The following NUP205 variants were observed in gnomAD, a reference collection of about 807,000 sequenced individuals.
NUP205 encodes the protein nuclear pore complex protein Nup205.
NUP205 carries 76 observed loss-of-function variants against 253.8 expected under a neutral mutation model. The ratio of observed to expected loss-of-function variants is 0.30; its 90% CI spans 0.25 to 0.36. The LOEUF is 0.36. Among genes scored for constraint, NUP205 ranks in the 10% least tolerant of loss-of-function variants. The pLI is 1.00. For synonymous variants in NUP205, 832 were observed against 850.1 expected, an observed-to-expected ratio of 0.98 and a Z score of 0.37; for missense variants, 2,162 against 2,425.5, an observed-to-expected ratio of 0.89 and a Z score of 2.28.
rs367838995 is a variant in NUP205 at position 135,648,565 on chromosome 7, G to A, written c.*9G>A. On this transcript the variant is annotated 3_prime_UTR_variant, in exon 43 of 43. Transcript: ENST00000285968. ...GGATATCAAGGAACTGAGAGCCCGT[G>A]CTTATGCTCTTCTATGAGAGAGATG... The A allele has an allele frequency of 5.0e-5, 77 of 1,527,638 alleles. No individual in the cohort carries two copies. Among genetic ancestry groups the A allele is most frequent in the Non-Finnish European group, 6.0e-5 (69 of 1,141,686 alleles). 94.6% of individuals were successfully genotyped at this position (1,527,638 alleles called of 1,614,324 possible). A position where few individuals can be genotyped will look rare whatever the true frequency, so the allele number is the denominator to read the frequency against.
rs374017158 is a variant in NUP205, at chr7:135,617,706, C to T, written c.3771+24C>T. ...AGGTAAGCTCTATTGAGTATGTGTT[C>T]GTTTCAAACTTCTAACTACTTAGGT... On this transcript the variant is annotated intron_variant, in intron 27 of 42. Coordinates refer to ENST00000285968, the MANE Select transcript of NUP205 (RefSeq NM_015135.3). The T allele has an allele frequency of 2.9e-5, 42 of 1,466,082 alleles. 1 individual carries two copies. The highest frequency in any genetic ancestry group is 2.4e-4 in the South Asian group (20 of 84,794). The allele number at this position is 1,466,082 out of a possible 1,614,324, so 90.8% of individuals were successfully genotyped here.
intron 35 of NUP205, among the ~76,000 whole-genome samples, chr7:135,632,935 C>G (rs1055799933): frequency 6.6e-6 from 1 of 151,980 alleles, no homozygotes; most frequent in Non-Finnish European, 1.5e-5. Context: ...AGATAGTTAA[C>G]CAGACCCTTG....
chr7:135,615,640 T>C (rs1794340448), intron 23 of NUP205, among the ~76,000 whole-genome samples: 1 of 152,218 alleles, frequency 6.6e-6, no homozygotes, highest in Non-Finnish European at 1.5e-5. Context: ...TTCAGGATCT[T>C]TGTGAAATTA....
At chr7:135,570,152 G>A (rs77566367) in intron 1 of NUP205, among the ~76,000 whole-genome samples, 5,127 of 150,500 alleles carry the variant, frequency 0.034, 116 homozygotes, top group Middle Eastern at 0.1. Flanking sequence ...TAATGAAGTG[G>A]TAAAACTAGG....
chr7:135,561,368 CA>C (rs996773422), intron 1 of NUP205, among the ~76,000 whole-genome samples: 3 of 151,938 alleles, frequency 2.0e-5, no homozygotes, highest in Non-Finnish European at 4.4e-5. Context: ...AAAAAACAAA[CA>C]AAAAAACCTA....
chr7:135,644,992 G>A lies in NUP205; in HGVS notation c.5657G>A (p.Arg1886Gln), dbSNP rs868238259. ...RRRLVKVINN[R>Q]AKLLSLCSFI... ...CGCTTGGTGAAGGTGATCAACAATC[G>A]AGCTAAACTGCTTTCCCTTTGTTCT... The change falls in exon 40 of 43, where the codon CGA becomes CAA. Residue 1886 changes from arginine (R) to glutamine (Q), a missense_variant. Physicochemically the swap from Arg to Gln is conservative, Grantham distance 43. Around this residue, in one of 5 missense-constraint regions of NUP205, gnomAD observed 1,144 missense variants for 1,280.9 expected, o/e 0.89. Coordinates refer to ENST00000285968, the MANE Select transcript of NUP205 (RefSeq NM_015135.3). 7 of 1,614,092 alleles carry A rather than the reference G, an allele frequency of 4.3e-6. No individual in the cohort carries two copies. The highest frequency in any genetic ancestry group is 2.5e-6 in the Non-Finnish European group (3 of 1,179,996).
At position 135,616,686 on chromosome 7, in the gene NUP205, G is replaced by A. The variant is rs1158922279; in HGVS notation, c.3492G>A (p.Arg1164=). ...AAGGAGGAATAGAAGATGAAAACAGGTCTGTTTCTGGGTTCCTTCACTTTG... is the reference window on the plus strand; with the variant it reads ...AAGGAGGAATAGAAGATGAAAACAGATCTGTTTCTGGGTTCCTTCACTTTG... The part of the protein sequence containing the change: ...DGEGGIEDEN[R]SVSGFLHFDT... The change falls in exon 25 of 43, where the codon AGG becomes AGA. Residue 1164 remains arginine (R), a synonymous_variant. Transcript: ENST00000285968. 11 of 1,570,026 alleles carry A rather than the reference G, an allele frequency of 7.0e-6. No individual in the cohort carries two copies. Among genetic ancestry groups the A allele is most frequent in the Non-Finnish European group, 8.6e-6 (10 of 1,162,874 alleles).
intron 35 of NUP205, chr7:135,635,297 T>C (rs2129492308): frequency 4.8e-6 from 1 of 208,742 alleles, no homozygotes; most frequent in East Asian, 1.0e-4. Context: ...AAAATTACTT[T>C]TATCATTATA....
At position 135,627,848 on chromosome 7, in the gene NUP205, G is replaced by T. The variant is rs1794626863; in HGVS notation, c.4794-125G>T. The T allele has an allele frequency of 5.0e-5, 43 of 857,506 alleles. No homozygotes were observed. The South Asian group carries it at 7.2e-4, about 14-fold the overall frequency. The allele number at this position is 857,506 out of a possible 1,614,324, so 53.1% of individuals were successfully genotyped here. A position where few individuals can be genotyped will look rare whatever the true frequency, so the allele number is the denominator to read the frequency against. Reference sequence around the variant, plus strand: ...CGCGGATGTATATATGGGATGCAGAGTACTCACTAGTTGATTCACATCTTA... The same window carrying T: ...CGCGGATGTATATATGGGATGCAGATTACTCACTAGTTGATTCACATCTTA... On this transcript the variant is annotated intron_variant, in intron 33 of 42. Coordinates refer to ENST00000285968, the MANE Select transcript of NUP205 (RefSeq NM_015135.3).
intron 30 of NUP205, 136 bp downstream of exon 30, chr7:135,620,024 A>T: frequency 1.6e-6 from 1 of 643,010 alleles, no homozygotes; most frequent in Non-Finnish European, 2.7e-6. Context: ...TAAAGCATTT[A>T]CTCAAAAGTT....
chr7:135,642,246 C>T (rs2129492586), intron 38 of NUP205, among the ~76,000 whole-genome samples: 1 of 149,634 alleles, frequency 6.7e-6, no homozygotes, highest in East Asian at 2.0e-4. Flanking sequence ...CAGAGTAAGA[C>T]TCCATCTCAA....
chr7:135,604,633 A>G (rs567619901), intron 19 of NUP205, among the ~76,000 whole-genome samples, 173 bp downstream of exon 19: 59 of 152,356 alleles, frequency 3.9e-4, no homozygotes, highest in African/African-American at 1.3e-3. Context: ...GCTATGACTT[A>G]TCTTTGAAGA....
In NUP205 at chr7:135,643,329, G is replaced by A. The variant is rs1584694845; in HGVS notation, c.5530G>A (p.Glu1844Lys). The A allele has an allele frequency of 6.2e-7, 1 of 1,614,042 alleles. No homozygotes were observed. Among genetic ancestry groups the A allele is most frequent in the East Asian group, 2.2e-5 (1 of 44,870 alleles). Residue 1844 changes from glutamate to lysine, a missense_variant, in exon 39 of 43, where the codon GAG becomes AAG. Glu to Lys is a moderately conservative substitution (Grantham distance 56, BLOSUM62 1). Around this residue, in one of 5 missense-constraint regions of NUP205, gnomAD observed 1,144 missense variants for 1,280.9 expected, o/e 0.89. Transcript: ENST00000285968. ...RQSVSKLQNV[E>K]QLPPDEIKEL... ...GAGTGTCAGCAAGCTACAAAATGTA[G>A]AGCAGCTTCCCCCAGATGAGATAAA...
chr7:135,565,476 A>G (rs573392375), intron 1 of NUP205, among the ~76,000 whole-genome samples: 16 of 149,960 alleles, frequency 1.1e-4, no homozygotes, highest in South Asian at 1.1e-3. Context: ...ATTGTTGCCC[A>G]GGCTGGAGTG....
chr7:135,572,830 T>C (rs74497375), intron 2 of NUP205, among the ~76,000 whole-genome samples: 3,814 of 152,312 alleles, frequency 0.025, 79 homozygotes, highest in South Asian at 0.077. Flanking sequence ...GCTAGGATTA[T>C]AGGCATGACC....
chr7:135,640,801 G>T (rs930693546), intron 38 of NUP205, among the ~76,000 whole-genome samples: 1 of 152,188 alleles, frequency 6.6e-6, no homozygotes, highest in Non-Finnish European at 1.5e-5. Flanking sequence ...ACAAAGATTT[G>T]TAGTTCTATT....
At chr7:135,559,219 C>T (rs771057572) in intron 1 of NUP205, among the ~76,000 whole-genome samples, 10 of 152,180 alleles carry the variant, frequency 6.6e-5, no homozygotes, top group Non-Finnish European at 1.3e-4. Flanking sequence ...ACTGCTTAAG[C>T]ACAACCTAAT....
At chr7:135,586,037 C>A (rs1324433348) in intron 8 of NUP205, among the ~76,000 whole-genome samples, 1 of 151,994 alleles carries the variant, frequency 6.6e-6, no homozygotes, top group Non-Finnish European at 1.5e-5. Flanking sequence ...CTGTTTTGTG[C>A]CAAAGAAGCC....
chr7:135,591,974 G>C (rs1806642263), intron 11 of NUP205, among the ~76,000 whole-genome samples: 2 of 151,696 alleles, frequency 1.3e-5, no homozygotes, highest in Non-Finnish European at 2.9e-5. Context: ...TTTTTCTCTT[G>C]ACTGTCTCCC....
Sources: allele counts gnomAD v4.1 joint callset (sites outside exome capture counted in the v4.1 genomes callset), GRCh38; gene constraint gnomAD v4.1.1; regional missense constraint gnomAD v4.1.1; transcripts MANE v1.5; gene names NCBI Gene and HGNC (gene_info 2026-07-23, HGNC 2026-07-21).